The following PTPRD variants were observed in gnomAD, a reference collection of about 807,000 sequenced individuals.
PTPRD encodes receptor-type tyrosine-protein phosphatase delta.
In PTPRD, 34 loss-of-function variants were observed where a neutral mutation model predicts 214.5. The ratio of observed to expected loss-of-function variants is 0.16; its 90% confidence interval spans 0.12 to 0.21. PTPRD has a LOEUF of 0.21. PTPRD is among the 10% of genes least tolerant of loss of function. The pLI, the probability that PTPRD is intolerant of heterozygous loss-of-function variation, is 1.00. For missense variants in PTPRD, 2,545 were observed against 2,398.7 expected (o/e 1.06, Z -1.27); for synonymous variants, 1,128 against 845.7 (o/e 1.33, Z -5.79).
intron 7 of PTPRD, among the ~76,000 whole-genome samples, chr9:9,597,339 G>T (rs1010073936): frequency 6.6e-6 from 1 of 152,012 alleles, no homozygotes; most frequent in Non-Finnish European, 1.5e-5. Context: ...AAATTACACT[G>T]AATGGAAGAC....
In PTPRD at chr9:9,924,754, T is replaced by C. The variant is rs540746318; in HGVS notation, c.-368+13753A>G. Reference sequence around the variant, plus strand: ...CTCTAAAAATAATTGCTTTAAAAATTAGCTTATTCCCTTTGACAGATACTT... The same window carrying C: ...CTCTAAAAATAATTGCTTTAAAAATCAGCTTATTCCCTTTGACAGATACTT... On this transcript the variant is annotated intron_variant, in intron 5 of 45. Coordinates refer to ENST00000381196, the MANE Select transcript of PTPRD (RefSeq NM_002839.4). Among the ~76,000 whole-genome samples the C allele has an allele frequency of 1.1e-3, 168 of 152,222 alleles. 5 individuals carry two copies. The South Asian group carries it at 0.034, about 30-fold the overall frequency.
At chr9:10,412,072 T>G (rs780040256) in intron 2 of PTPRD, among the ~76,000 whole-genome samples, 3 of 151,796 alleles carry the variant, frequency 2.0e-5, no homozygotes, top group Non-Finnish European at 2.9e-5. Flanking sequence ...TCATGATAAA[T>G]TCTATTCATG....
intron 5 of PTPRD, among the ~76,000 whole-genome samples, chr9:9,828,904 T>C (rs1298044838): frequency 6.6e-6 from 1 of 151,916 alleles, no homozygotes; most frequent in African/African-American, 2.4e-5. Flanking sequence ...ATATATGCTG[T>C]TTCAATTGAA....
At chr9:8,602,431 A>G (rs2094925163) in intron 14 of PTPRD, among the ~76,000 whole-genome samples, 1 of 152,226 alleles carries the variant, frequency 6.6e-6, no homozygotes, top group African/African-American at 2.4e-5. Flanking sequence ...CACATGATAT[A>G]AACTTACTAT....
At chr9:8,689,934 T>C (rs1257696790) in intron 12 of PTPRD, among the ~76,000 whole-genome samples, 1 of 151,638 alleles carries the variant, frequency 6.6e-6, no homozygotes, top group Non-Finnish European at 1.5e-5. Context: ...ATGATGAAAC[T>C]CCCATCTCTA....
intron 7 of PTPRD, among the ~76,000 whole-genome samples, chr9:9,626,472 G>T (rs1000603336): frequency 3.3e-5 from 5 of 152,096 alleles, no homozygotes; most frequent in African/African-American, 1.2e-4. Flanking sequence ...GGGGAAAATC[G>T]ATCTCAAATG....
chr9:10,067,724 C>T (rs1459159182), intron 3 of PTPRD, among the ~76,000 whole-genome samples: 1 of 151,838 alleles, frequency 6.6e-6, no homozygotes, highest in African/African-American at 2.4e-5. Context: ...GTCTTTTTTA[C>T]TCTAAAGACC....
At chr9:10,367,184 G>C (rs889535719) in intron 2 of PTPRD, among the ~76,000 whole-genome samples, 5 of 151,660 alleles carry the variant, frequency 3.3e-5, no homozygotes, top group African/African-American at 1.2e-4. Context: ...GAATCACTTA[G>C]AGTAATGACA....
intron 39 of PTPRD, among the ~76,000 whole-genome samples, chr9:8,344,567 C>T (rs1472329530): frequency 6.6e-6 from 1 of 151,798 alleles, no homozygotes; most frequent in Non-Finnish European, 1.5e-5. Context: ...CTATTTTTTC[C>T]CCCACAATTC....
intron 2 of PTPRD, among the ~76,000 whole-genome samples, chr9:10,545,935 A>G (rs10959162): frequency 6.6e-6 from 1 of 152,302 alleles, no homozygotes; most frequent in East Asian, 1.9e-4. Context: ...GGCATATTAT[A>G]ATAGAGTCTC....
At chr9:10,467,130 G>A in intron 2 of PTPRD, among the ~76,000 whole-genome samples, 1 of 152,170 alleles carries the variant, frequency 6.6e-6, no homozygotes, top group East Asian at 1.9e-4. Flanking sequence ...CAAGCACCAA[G>A]AAGTTTCTAG....
intron 43 of PTPRD, among the ~76,000 whole-genome samples, chr9:8,338,272 A>G (rs1451883692): frequency 6.6e-6 from 1 of 152,082 alleles, no homozygotes; most frequent in Non-Finnish European, 1.5e-5. Flanking sequence ...AAGATATCAG[A>G]GTTTATGCAT....
At chr9:9,422,255 A>G (rs2079094464) in intron 8 of PTPRD, among the ~76,000 whole-genome samples, 1 of 152,144 alleles carries the variant, frequency 6.6e-6, no homozygotes, top group Non-Finnish European at 1.5e-5. Context: ...AGCTTGCTCC[A>G]GGTCACACAG....
At chr9:9,054,578 G>A (rs1376764193) in intron 10 of PTPRD, among the ~76,000 whole-genome samples, 2 of 152,174 alleles carry the variant, frequency 1.3e-5, no homozygotes, top group African/African-American at 2.4e-5. Flanking sequence ...AAGGCCAAGG[G>A]TGTGAGGGTC....
intron 7 of PTPRD, among the ~76,000 whole-genome samples, chr9:9,585,034 ACTT>A (rs1354989581): frequency 6.6e-6 from 1 of 151,878 alleles, no homozygotes; most frequent in South Asian, 2.1e-4. Context: ...GAAGTTAACC[ACTT>A]CTTCTTTCAT....
chr9:10,384,472 G>A (rs890777848), intron 2 of PTPRD, among the ~76,000 whole-genome samples: 1 of 151,540 alleles, frequency 6.6e-6, no homozygotes, highest in Admixed American at 6.6e-5. Context: ...CATATATTGA[G>A]CAAAATAAGT....
At chr9:9,724,327 T>G (rs2098034048) in intron 7 of PTPRD, among the ~76,000 whole-genome samples, 1 of 152,156 alleles carries the variant, frequency 6.6e-6, no homozygotes, top group African/African-American at 2.4e-5. Flanking sequence ...CAGTTACAGA[T>G]TAAATGCTTT....
chr9:9,281,392 A>G (rs1326847491), intron 9 of PTPRD, among the ~76,000 whole-genome samples: 1 of 151,334 alleles, frequency 6.6e-6, no homozygotes, highest in African/African-American at 2.4e-5. Flanking sequence ...AACTTTTAAA[A>G]TTCAACATAA....
intron 14 of PTPRD, among the ~76,000 whole-genome samples, chr9:8,558,107 A>C (rs576739097): frequency 6.6e-6 from 1 of 152,186 alleles, no homozygotes; most frequent in African/African-American, 2.4e-5. Context: ...ACAATTTTTA[A>C]AAATGAGAGG....
Sources: gnomAD v4.1 joint callset for allele counts (sites outside exome capture counted in the v4.1 genomes callset) on GRCh38, gnomAD v4.1.1 for gene constraint, MANE v1.5 for transcripts, NCBI Gene and HGNC (gene_info 2026-07-23, HGNC 2026-07-21) for gene names.